Variants in SEMA6D observed in about 807,000 individuals in gnomAD.
The protein encoded by SEMA6D is semaphorin-6D.
A neutral mutation model predicts 106.6 loss-of-function variants in SEMA6D; 35 were observed. That is an observed-to-expected ratio of 0.33 (90% CI 0.25 to 0.44). The LOEUF is 0.44. Among genes scored for constraint, SEMA6D ranks in the 20% least tolerant of loss-of-function variants. The pLI, the probability that SEMA6D is intolerant of heterozygous loss-of-function variation, is 1.00. For synonymous variants in SEMA6D, 499 were observed against 487.7 expected, an observed-to-expected ratio of 1.02 and a Z score of -0.31; for missense variants, 1,185 against 1,345.9, an observed-to-expected ratio of 0.88 and a Z score of 1.87.
At chr15:47,577,841 T>G (rs1021238403) in intron 3 of SEMA6D, among the ~76,000 whole-genome samples, 1 of 151,860 alleles carries the variant, frequency 6.6e-6, no homozygotes. Context: ...GTGGTTGGAG[T>G]TTTCAAAAGT....
chr15:47,333,085 A>G (rs932152439), intron 1 of SEMA6D, among the ~76,000 whole-genome samples: 2 of 152,158 alleles, frequency 1.3e-5, no homozygotes, highest in Non-Finnish European at 2.9e-5. Flanking sequence ...ATCGTTGTGT[A>G]TTGTTTTTAC....
intron 1 of SEMA6D, among the ~76,000 whole-genome samples, chr15:47,357,100 G>A (rs774461942): frequency 4.6e-5 from 7 of 151,758 alleles, no homozygotes; most frequent in Non-Finnish European, 7.4e-5. Context: ...TTTGGGAGGC[G>A]GAGGCGGGCG....
At chr15:47,304,433 TAAAAAAAAAAAAAAAA>T (rs56185341) in intron 1 of SEMA6D, among the ~76,000 whole-genome samples, 2,744 of 93,904 alleles carry the variant, frequency 0.029, 148 homozygotes, top group African/African-American at 0.15. Flanking sequence ...GCCTTCTAAC[TAAAAAAAAAAAAAAAA>T]AAAAAAAAAA....
intron 3 of SEMA6D, among the ~76,000 whole-genome samples, chr15:47,506,943 AT>A (rs2044063708): frequency 6.6e-6 from 1 of 152,190 alleles, no homozygotes; most frequent in Non-Finnish European, 1.5e-5. Context: ...GGCTTTAGGC[AT>A]CTACACAGCT....
Position 47,393,711 on chromosome 15 carries a change from T to C in SEMA6D, c.-238-18682T>C, listed in dbSNP as rs144910918. Among the ~76,000 whole-genome samples the C allele has an allele frequency of 2.8e-3, 416 of 149,030 alleles. 1 individual carries two copies. Among genetic ancestry groups the C allele is most frequent in the African/African-American group, 0.011 (407 of 38,556 alleles). ...AGGGAAACCCAGCGTGAAATTTAAA[T>C]GAAGGTCAAATTCTCATGCAGAAGG... On this transcript the variant is annotated intron_variant, in intron 1 of 19. Coordinates refer to the SEMA6D transcript ENST00000558014.
intron 2 of SEMA6D, among the ~76,000 whole-genome samples, chr15:47,458,199 T>C (rs1350315390): frequency 6.6e-6 from 1 of 152,008 alleles, no homozygotes; most frequent in Non-Finnish European, 1.5e-5. Context: ...TAAAATACCA[T>C]TGGTTATTTA....
chr15:47,402,991 C>T (rs2146028762), intron 1 of SEMA6D, among the ~76,000 whole-genome samples: 1 of 152,182 alleles, frequency 6.6e-6, no homozygotes, highest in African/African-American at 2.4e-5. Flanking sequence ...GGAACAGAAT[C>T]CTGTCCTGTT....
chr15:47,327,829 A>G (rs1262538966), intron 1 of SEMA6D, among the ~76,000 whole-genome samples: 1 of 152,190 alleles, frequency 6.6e-6, no homozygotes, highest in Non-Finnish European at 1.5e-5. Flanking sequence ...CTTTTCCAAG[A>G]GAAAGGGTGG....
At chr15:47,609,942 G>A (rs2076862607) in intron 4 of SEMA6D, among the ~76,000 whole-genome samples, 1 of 152,194 alleles carries the variant, frequency 6.6e-6, no homozygotes, top group Non-Finnish European at 1.5e-5. Flanking sequence ...CTGCATGTGT[G>A]CTCTGTTCTG....
chr15:47,464,872 C>T (rs1230299882), intron 2 of SEMA6D, among the ~76,000 whole-genome samples: 1 of 152,174 alleles, frequency 6.6e-6, no homozygotes, highest in Non-Finnish European at 1.5e-5. Flanking sequence ...AAGGCACTGT[C>T]ATGGACCAAG....
At chr15:47,610,535 A>G (rs1177447727) in intron 4 of SEMA6D, among the ~76,000 whole-genome samples, 5 of 152,244 alleles carry the variant, frequency 3.3e-5, no homozygotes, top group Non-Finnish European at 5.9e-5. Context: ...GATGAAGAGT[A>G]ACAGGCTGAA....
chr15:47,244,652 C>T (rs564687752), intron 1 of SEMA6D, among the ~76,000 whole-genome samples: 1 of 152,238 alleles, frequency 6.6e-6, no homozygotes, highest in South Asian at 2.1e-4. Context: ...AGCCTTTAGG[C>T]ACTGAACCTG....
chr15:47,328,833 G>A (rs1022332900), intron 1 of SEMA6D, among the ~76,000 whole-genome samples: 2 of 152,162 alleles, frequency 1.3e-5, no homozygotes, highest in Non-Finnish European at 2.9e-5. Flanking sequence ...CACTGTTGGG[G>A]AAAACAGTCT....
chr15:47,654,232 C>T (rs2077748777), intron 4 of SEMA6D, among the ~76,000 whole-genome samples: 1 of 152,126 alleles, frequency 6.6e-6, no homozygotes, highest in Non-Finnish European at 1.5e-5. Flanking sequence ...TACAGTTGAC[C>T]CTTGAACAAT....
chr15:47,539,870 C>G (rs2045301515), intron 3 of SEMA6D, among the ~76,000 whole-genome samples: 1 of 152,102 alleles, frequency 6.6e-6, no homozygotes, highest in Non-Finnish European at 1.5e-5. Context: ...GATGGAGTTG[C>G]ATTTCACTGG....
At chr15:47,318,374 G>A (rs1189710698) in intron 1 of SEMA6D, among the ~76,000 whole-genome samples, 8 of 129,426 alleles carry the variant, frequency 6.2e-5, no homozygotes, top group Non-Finnish European at 6.6e-5. Context: ...CCACTAACTC[G>A]TCATCTAGCA....
chr15:47,708,907 A>T (rs1412851622), intron 4 of SEMA6D, among the ~76,000 whole-genome samples: 2 of 152,212 alleles, frequency 1.3e-5, no homozygotes, highest in African/African-American at 4.8e-5. Context: ...TCATTTGCAA[A>T]AGGAGCACCC....
intron 4 of SEMA6D, among the ~76,000 whole-genome samples, chr15:47,683,473 GC>G (rs1329047295): frequency 6.6e-6 from 1 of 152,086 alleles, no homozygotes; most frequent in Non-Finnish European, 1.5e-5. Context: ...AGATAGAAAA[GC>G]TAGTAGTTTA....
intron 3 of SEMA6D, among the ~76,000 whole-genome samples, chr15:47,530,043 C>T (rs2044903880): frequency 6.6e-6 from 1 of 152,168 alleles, no homozygotes; most frequent in Non-Finnish European, 1.5e-5. Flanking sequence ...GAAGCAGTCA[C>T]CATAGCTCCA....
Sources: allele counts gnomAD v4.1 joint callset (sites outside exome capture counted in the v4.1 genomes callset), GRCh38; gene constraint gnomAD v4.1.1; transcripts MANE v1.5; gene names NCBI Gene and HGNC (gene_info 2026-07-23, HGNC 2026-07-21).